Variants in ALG13 observed in about 807,000 individuals in gnomAD.
The protein encoded by ALG13 is ALG13 UDP-N-acetylglucosaminyltransferase subunit.
In ALG13, 11 loss-of-function variants were observed where a neutral mutation model predicts 87.8. That is an observed-to-expected ratio of 0.13 (90% confidence interval 0.08 to 0.21). ALG13 has a LOEUF of 0.21. Among genes scored for constraint, ALG13 ranks in the 10% least tolerant of loss-of-function variants. ALG13 has a pLI of 1.00. For missense variants in ALG13, 756 were observed against 866.1 expected, an observed-to-expected ratio of 0.87 and a Z score of 1.60; for synonymous variants, 320 against 306.3, an observed-to-expected ratio of 1.04 and a Z score of -0.47.
intron 21 of ALG13, among the ~76,000 whole-genome samples, chrX:111,732,314 T>C (rs1942786435): frequency 8.9e-6 from 1 of 112,206 alleles, no homozygotes; most frequent in Non-Finnish European, 1.9e-5. Context: ...TAGTTACCAA[T>C]TTCTGTTTTA....
In ALG13 at chrX:111,708,485, C is replaced by G. The variant is rs193249207; in HGVS notation, c.750+92C>G. The G allele has an allele frequency of 1.9e-3, 1,983 of 1,050,718 alleles. 3 individuals are homozygous for G. The highest frequency in any genetic ancestry group is 2.4e-3 in the Non-Finnish European group (1,844 of 784,263). 86.6% of individuals were successfully genotyped at this position (1,050,718 alleles called of 1,213,427 possible). On this transcript the variant is annotated intron_variant, in intron 4 of 26. Coordinates refer to ENST00000394780, the MANE Select transcript of ALG13 (RefSeq NM_001099922.3). ...TTTGCCAGAAGAAACAAAAAAATTC[C>G]CCTGCTTTCTAGTGAAAACATCGGG... is the stretch of plus-strand genomic sequence containing the variant.
In ALG13 at chrX:111,713,234, C is replaced by G. The variant is rs769270540; in HGVS notation, c.942C>G (p.Phe314Leu). Residue 314 changes from phenylalanine to leucine, a missense_variant, in exon 8 of 27, where the codon TTC becomes TTG. Physicochemically the swap from Phe to Leu is conservative, Grantham distance 22. Transcript: ENST00000394780. ...TGTTTTCCCCATATAGTCGGGATTT[C>G]ATTCTTTATCGCTTTCCTGGAAAAC... ...RALSLIYNRD[F>L]ILYRFPGKPP... 2 of 1,192,747 alleles carry G rather than the reference C, an allele frequency of 1.7e-6. No homozygotes were observed. Among genetic ancestry groups the G allele is most frequent in the Admixed American group, 4.4e-5 (2 of 44,946 alleles).
At chrX:111,727,178 A>G (rs1942158766) in intron 16 of ALG13, 123 bp downstream of exon 16, 1 of 958,289 alleles carries the variant, frequency 1.0e-6, no homozygotes, top group East Asian at 3.2e-5. Flanking sequence ...TATTTCATTA[A>G]TAATAGTTAG....
At chrX:111,734,987 A>C in intron 21 of ALG13, 64 bp from the exon 22 acceptor site, 1 of 772,201 alleles carries the variant, frequency 1.3e-6, no homozygotes, top group Non-Finnish European at 2.0e-6. Flanking sequence ...GTTTTAAAAT[A>C]TGTTGAAACA....
At chrX:111,725,864 G>T (rs1240431847) in intron 15 of ALG13, among the ~76,000 whole-genome samples, 1 of 112,533 alleles carries the variant, frequency 8.9e-6, no homozygotes, top group Non-Finnish European at 1.9e-5. Flanking sequence ...CCTCATAGAA[G>T]CAGCCAGGGA....
At chrX:111,724,798 A>T (rs1313634918) in intron 14 of ALG13, 136 bp from the exon 15 acceptor site, 1 of 661,336 alleles carries the variant, frequency 1.5e-6, no homozygotes, top group African/African-American at 2.2e-5. Flanking sequence ...TAAACTAATA[A>T]AAAATTAAAC....
At chrX:111,725,656 T>G (rs1025483230) in intron 15 of ALG13, among the ~76,000 whole-genome samples, 10 of 111,689 alleles carry the variant, frequency 9.0e-5, no homozygotes. Context: ...GTGATAGATA[T>G]CCCAGTTACC....
intron 11 of ALG13, among the ~76,000 whole-genome samples, chrX:111,720,824 G>C (rs192616877): frequency 1.8e-5 from 2 of 110,697 alleles, no homozygotes; most frequent in Non-Finnish European, 1.9e-5. Context: ...ACCTCCATGT[G>C]TATATCATGA....
At chrX:111,755,266 T>C (rs1340059706) in intron 25 of ALG13, among the ~76,000 whole-genome samples, 1 of 111,930 alleles carries the variant, frequency 8.9e-6, no homozygotes, top group Non-Finnish European at 1.9e-5. Flanking sequence ...TTACATCTTA[T>C]ACAAAAATTA....
At chrX:111,720,571 C>T (rs1237572241) in intron 11 of ALG13, among the ~76,000 whole-genome samples, 2 of 111,162 alleles carry the variant, frequency 1.8e-5, no homozygotes, top group Non-Finnish European at 3.8e-5. Context: ...GAAATTTCAC[C>T]ATCCGTATAG....
intron 3 of ALG13, among the ~76,000 whole-genome samples, chrX:111,696,347 G>A (rs1373836002): frequency 1.8e-5 from 2 of 111,606 alleles, no homozygotes; most frequent in Non-Finnish European, 3.8e-5. Flanking sequence ...CCCTACATTT[G>A]GAAGAGTGCT....
chrX:111,726,532 A>G (rs1393628046), intron 15 of ALG13, among the ~76,000 whole-genome samples: 2 of 111,213 alleles, frequency 1.8e-5, no homozygotes, highest in South Asian at 3.8e-4. Flanking sequence ...GTGCCTGGCC[A>G]TGGATGACTC....
chrX:111,738,724 A>G (rs1240199916), intron 23 of ALG13, among the ~76,000 whole-genome samples: 2 of 110,090 alleles, frequency 1.8e-5, no homozygotes, highest in East Asian at 5.8e-4. Context: ...TTTTGTAGAG[A>G]CAGGGTCTTG....
chrX:111,700,103 T>C (rs1261683580), intron 3 of ALG13, among the ~76,000 whole-genome samples: 1 of 108,412 alleles, frequency 9.2e-6, no homozygotes, highest in Non-Finnish European at 1.9e-5. Context: ...TATCAGTCTT[T>C]TACCTCATTG....
At chrX:111,744,644 C>T in intron 23 of ALG13, 24 bp from the exon 24 acceptor site, 1 of 1,174,078 alleles carries the variant, frequency 8.5e-7, no homozygotes, top group East Asian at 3.1e-5. Flanking sequence ...TGTATTGCTA[C>T]TTTATGTTTT....
chrX:111,690,642 C>T (rs1311571666), intron 3 of ALG13, among the ~76,000 whole-genome samples: 2 of 108,502 alleles, frequency 1.8e-5, no homozygotes, highest in South Asian at 4.0e-4. Flanking sequence ...TTAGTAGGGA[C>T]GGGGTTTCAC....
intron 25 of ALG13, chrX:111,753,109 A>G (rs747093140): frequency 2.1e-4 from 44 of 208,568 alleles, no homozygotes; most frequent in Non-Finnish European, 3.0e-4. Flanking sequence ...ATTTAACATT[A>G]CATGCTAACT....
intron 12 of ALG13, among the ~76,000 whole-genome samples, 188 bp from the exon 13 acceptor site, chrX:111,722,605 G>A (rs1209162302): frequency 1.8e-5 from 2 of 112,198 alleles, no homozygotes; most frequent in East Asian, 2.8e-4. Flanking sequence ...ATTCTGGCAC[G>A]TCTTTTTAAA....
intron 21 of ALG13, among the ~76,000 whole-genome samples, chrX:111,732,295 C>G (rs1326236829): frequency 8.9e-6 from 1 of 112,125 alleles, no homozygotes; most frequent in African/African-American, 3.2e-5. Context: ...TATAGCCGTA[C>G]CCTACTTCTA....
Sources: allele counts gnomAD v4.1 joint callset (sites outside exome capture counted in the v4.1 genomes callset), GRCh38; gene constraint gnomAD v4.1.1; transcripts MANE v1.5; gene names NCBI Gene and HGNC (gene_info 2026-07-23, HGNC 2026-07-21).